Variants in PCDH15 observed in about 807,000 individuals in gnomAD.
PCDH15 encodes protocadherin related 15, also known as protocadherin-15.
In PCDH15, 129 loss-of-function variants were observed where a neutral mutation model predicts 178.5. That is an observed-to-expected ratio of 0.72 (90% CI 0.63 to 0.84). The LOEUF is 0.84. Ranked by LOEUF, PCDH15 falls within the 40% of genes least tolerant of loss-of-function variation. The pLI is 0.00. For missense variants in PCDH15, 2,230 were observed against 2,099.9 expected (o/e 1.06, Z -1.21); for synonymous variants, 800 against 732.0 (o/e 1.09, Z -1.50).
chr10:55,326,401 C>T (rs554159827), intron 2 of PCDH15, among the ~76,000 whole-genome samples: 7 of 152,040 alleles, frequency 4.6e-5, no homozygotes, highest in Non-Finnish European at 1.0e-4. Context: ...GCTGCACAGA[C>T]ATAAAAATCA....
chr10:54,780,733 T>TAAAAAAAAAAAAAA (rs35494053), intron 1 of PCDH15, among the ~76,000 whole-genome samples: 1 of 114,330 alleles, frequency 8.7e-6, no homozygotes, highest in Non-Finnish European at 1.9e-5. Context: ...AGCAATTGTG[T>TAAAAAAAAAAAAAA]AAAAAAAAAA....
upstream of PCDH15, among the ~76,000 whole-genome samples, chr10:54,804,668 T>A (rs1053129576): frequency 2.6e-5 from 4 of 151,994 alleles, no homozygotes; most frequent in South Asian, 4.1e-4. Flanking sequence ...ATTAGAATTT[T>A]GTGAGTATTT....
At chr10:54,600,329 A>C (rs2092464497) in intron 2 of PCDH15, 1 of 540,710 alleles carries the variant, frequency 1.8e-6, no homozygotes, top group African/African-American at 1.9e-5. Flanking sequence ...AGGAAGAAAG[A>C]CATAGCTGTC....
intron 2 of PCDH15, among the ~76,000 whole-genome samples, chr10:55,480,970 CT>C (rs575847336): frequency 7.3e-4 from 110 of 151,672 alleles, no homozygotes; most frequent in African/African-American, 2.6e-3. Context: ...TGGTCCTGGG[CT>C]TTTTTAGGTT....
intron 28 of PCDH15, among the ~76,000 whole-genome samples, chr10:53,840,740 C>T (rs1488149283): frequency 6.6e-6 from 1 of 152,136 alleles, no homozygotes; most frequent in Non-Finnish European, 1.5e-5. Flanking sequence ...TAACTTTAGG[C>T]TTTTTGAATT....
chr10:55,115,055 T>C (rs1358041596), intron 2 of PCDH15, among the ~76,000 whole-genome samples: 1 of 152,214 alleles, frequency 6.6e-6, no homozygotes, highest in Non-Finnish European at 1.5e-5. Context: ...GTTGAAGAGC[T>C]TTGAAAAATA....
Position 54,897,330 on chromosome 10 carries a change from C to A in PCDH15, c.-29+120G>T, listed in dbSNP as rs146101374. 17 of 152,296 alleles carry A rather than the reference C, an allele frequency of 1.1e-4. No individual in the cohort carries two copies. In the East Asian group the frequency reaches 3.1e-3, roughly 28 times the overall value. 9.4% of individuals were successfully genotyped at this position (152,296 alleles called of 1,614,324 possible). On this transcript the variant is annotated intron_variant, in intron 3 of 5. Coordinates refer to the PCDH15 transcript ENST00000458638. ...TGCAACATATCGATGATAGTTGTAA[C>A]TTGAATTCAAAAATCAACACTCTAC...
intron 5 of PCDH15, among the ~76,000 whole-genome samples, chr10:54,350,554 G>C (rs1426572072): frequency 2.0e-5 from 3 of 152,188 alleles, no homozygotes; most frequent in Non-Finnish European, 2.9e-5. Context: ...GAGAGAAATA[G>C]CCGAGAAAAA....
chr10:55,001,844 A>G (rs1239013566), intron 2 of PCDH15, among the ~76,000 whole-genome samples: 2 of 152,228 alleles, frequency 1.3e-5, no homozygotes, highest in Non-Finnish European at 2.9e-5. Flanking sequence ...CCCCCTAAGG[A>G]TCCTCTGACA....
At chr10:54,487,991 G>A (rs945441772) in intron 3 of PCDH15, among the ~76,000 whole-genome samples, 1 of 151,832 alleles carries the variant, frequency 6.6e-6, no homozygotes, top group East Asian at 1.9e-4. Flanking sequence ...AATTAGACTA[G>A]TTTGATAACC....
At chr10:54,657,445 A>G (rs1197898462) in intron 2 of PCDH15, among the ~76,000 whole-genome samples, 2 of 152,168 alleles carry the variant, frequency 1.3e-5, no homozygotes, top group Non-Finnish European at 2.9e-5. Flanking sequence ...TGGAGAGTAA[A>G]ATAGAATACC....
At chr10:54,523,995 T>A (rs905492552) in intron 3 of PCDH15, among the ~76,000 whole-genome samples, 1 of 152,310 alleles carries the variant, frequency 6.6e-6, no homozygotes, top group East Asian at 1.9e-4. Context: ...TTAGGAAAGT[T>A]CTGTACAAAG....
chr10:54,129,662 T>G (rs1437739039), intron 15 of PCDH15, among the ~76,000 whole-genome samples: 3 of 152,296 alleles, frequency 2.0e-5, no homozygotes, highest in South Asian at 2.1e-4. Context: ...CCACACTAAG[T>G]GTTAATTATA....
At chr10:54,784,337 TA>T (rs34935807) in intron 1 of PCDH15, among the ~76,000 whole-genome samples, 134,162 of 145,916 alleles carry the variant, frequency 0.92, 62,426 homozygotes, top group Non-Finnish European at 0.99. Flanking sequence ...ATAATAATAA[TA>T]AAAAAAAAAA....
intron 2 of PCDH15, among the ~76,000 whole-genome samples, chr10:55,404,701 C>CT (rs1400848172): frequency 6.6e-6 from 1 of 151,696 alleles, no homozygotes; most frequent in Non-Finnish European, 1.5e-5. Context: ...GAGTAAAGGA[C>CT]TAATATGTTT....
chr10:53,830,730 A>G (rs568304603), intron 30 of PCDH15, among the ~76,000 whole-genome samples: 42 of 152,354 alleles, frequency 2.8e-4, no homozygotes, highest in African/African-American at 9.9e-4. Context: ...AAAAATTAAG[A>G]GCCTGCACAG....
chr10:54,128,197 C>T (rs1315334119), intron 15 of PCDH15, among the ~76,000 whole-genome samples: 1 of 152,114 alleles, frequency 6.6e-6, no homozygotes, highest in Admixed American at 6.6e-5. Context: ...GATCTAGTGG[C>T]ACTGTATGGA....
At chr10:54,345,707 C>A (rs1014109823) in intron 6 of PCDH15, among the ~76,000 whole-genome samples, 2 of 147,116 alleles carry the variant, frequency 1.4e-5, no homozygotes, top group African/African-American at 5.0e-5. Context: ...CAGTGAAACC[C>A]CATCTCTACT....
At chr10:54,037,216 C>T (rs2093436359) in intron 18 of PCDH15, among the ~76,000 whole-genome samples, 1 of 151,898 alleles carries the variant, frequency 6.6e-6, no homozygotes, top group South Asian at 2.1e-4. Context: ...ATTTTATATA[C>T]TTTGCAGCAA....
Sources: gnomAD v4.1 joint callset for allele counts (sites outside exome capture counted in the v4.1 genomes callset) on GRCh38, gnomAD v4.1.1 for gene constraint, MANE v1.5 for transcripts, NCBI Gene and HGNC (gene_info 2026-07-23, HGNC 2026-07-21) for gene names.